Variants in GRIK3 observed in about 807,000 individuals in gnomAD.
GRIK3 encodes glutamate receptor ionotropic, kainate 3.
Under a neutral mutation model 102.5 loss-of-function variants are expected in GRIK3, and 29 were observed. The ratio of observed to expected loss-of-function variants is 0.28; its 90% confidence interval spans 0.21 to 0.39. GRIK3 has a LOEUF of 0.39. GRIK3 is among the 10% of genes least tolerant of loss of function. The pLI is 1.00. For missense variants in GRIK3, 908 were observed against 1,252.4 expected (o/e 0.73, Z 4.15); for synonymous variants, 511 against 504.9 (o/e 1.01, Z -0.16).
At position 36,983,967 on chromosome 1, in the gene GRIK3, A is replaced by T. The variant is rs140171486; in HGVS notation, c.115+50027T>A. 2.9e-3 allele frequency among the ~76,000 whole-genome samples: 445 copies of T among 152,314 alleles called. 10 individuals are homozygous for T. The East Asian group carries it at 0.037, about 13-fold the overall frequency. ...GGGGATGCCGCCCATAGTACCCAGCAGGGTGACTTTGACACAGAGCAGCAC... is the reference window on the plus strand; with the variant it reads ...GGGGATGCCGCCCATAGTACCCAGCTGGGTGACTTTGACACAGAGCAGCAC... On this transcript the variant is annotated intron_variant, in intron 1 of 15. Transcript: ENST00000373091.
chr1:36,878,881 G>A (rs536005314), intron 3 of GRIK3, among the ~76,000 whole-genome samples: 5 of 152,246 alleles, frequency 3.3e-5, no homozygotes, highest in African/African-American at 9.6e-5. Flanking sequence ...CACTTGGTTC[G>A]CAGCAGGTAA....
At chr1:37,028,602 T>C (rs1642788887) in intron 1 of GRIK3, among the ~76,000 whole-genome samples, 1 of 152,132 alleles carries the variant, frequency 6.6e-6, no homozygotes, top group Non-Finnish European at 1.5e-5. Flanking sequence ...AGGACCAACA[T>C]AGCCCAGCCA....
intron 1 of GRIK3, among the ~76,000 whole-genome samples, chr1:37,016,391 A>G (rs1159511556): frequency 2.0e-5 from 3 of 152,222 alleles, no homozygotes; most frequent in Admixed American, 6.5e-5. Context: ...AAATGAGCTC[A>G]GAAAAGGGCT....
intron 1 of GRIK3, among the ~76,000 whole-genome samples, chr1:36,931,407 G>T (rs1050228484): frequency 2.0e-5 from 3 of 152,078 alleles, no homozygotes; most frequent in South Asian, 4.1e-4. Context: ...TTTTTCTGAG[G>T]TTTCATCACT....
At chr1:36,893,609 T>C (rs551294723) in intron 1 of GRIK3, among the ~76,000 whole-genome samples, 223 of 152,286 alleles carry the variant, frequency 1.5e-3, no homozygotes, top group Non-Finnish European at 1.6e-3. Flanking sequence ...GGGAAATGTA[T>C]ACCCAGCCTG....
At chr1:36,967,538 A>G (rs1456573136) in intron 1 of GRIK3, among the ~76,000 whole-genome samples, 2 of 152,226 alleles carry the variant, frequency 1.3e-5, no homozygotes, top group African/African-American at 4.8e-5. Context: ...TATGGTCTGG[A>G]AAGGAGGAGG....
chr1:36,801,904 G>C lies in GRIK3; in HGVS notation c.2707C>G (p.Pro903Ala), dbSNP rs777066849. The change falls in exon 16 of 16, where the codon CCC (proline) becomes GCC (alanine). Residue 903 changes from proline (P) to alanine (A), a missense_variant. Pro to Ala is a conservative substitution (Grantham distance 27, BLOSUM62 -1). Around this residue, in one of 3 missense-constraint regions of GRIK3, gnomAD observed 297 missense variants for 362.7 expected, o/e 0.82. Transcript: ENST00000373091. ...CTGCAGGCCATGCTGTCCTTGCCGG[G>C]AAGCCGGCGGTCATTGAATGTGTGC... ...NMHTFNDRRL[P>A]GKDSMACSTS... The C allele has an allele frequency of 3.1e-6, 5 of 1,613,778 alleles. No individual in the cohort carries two copies. The East Asian group carries it at 1.1e-4, about 36-fold the overall frequency.
intron 7 of GRIK3, among the ~76,000 whole-genome samples, chr1:36,856,057 G>T (rs756235402): frequency 6.6e-6 from 1 of 152,220 alleles, no homozygotes; most frequent in Middle Eastern, 3.2e-3. Flanking sequence ...GGGAGCTGGG[G>T]ACCGAGGGGT....
chr1:36,859,477 C>G (rs934991013), intron 6 of GRIK3, among the ~76,000 whole-genome samples: 2 of 152,086 alleles, frequency 1.3e-5, no homozygotes, highest in Non-Finnish European at 2.9e-5. Flanking sequence ...GCAGCTTAGA[C>G]CTTCTCCTGC....
Position 36,850,147 on chromosome 1 carries a change from T to C in GRIK3, c.1326+164A>G. 1 of 601,128 alleles carries C rather than the reference T, an allele frequency of 1.7e-6. No homozygotes were observed. Among genetic ancestry groups the C allele is most frequent in the East Asian group, 2.8e-5 (1 of 36,070 alleles). 37.2% of individuals were successfully genotyped at this position (601,128 alleles called of 1,614,324 possible). A position where few individuals can be genotyped will look rare whatever the true frequency, so the allele number is the denominator to read the frequency against. On this transcript the variant is annotated intron_variant, in intron 9 of 15. Coordinates refer to ENST00000373091, the MANE Select transcript of GRIK3 (RefSeq NM_000831.4). This position sits in a 1 kb window ranked among gnomAD's most constrained non-coding sequence, Gnocchi z 4.0. ...CGCCCGTGGCAGCGAGCAGCGCTGC[T>C]GCGCTCCAGCTGCTCTCTGAGAACT...
chr1:36,931,143 A>G (rs1018592654), intron 1 of GRIK3, among the ~76,000 whole-genome samples: 12 of 152,230 alleles, frequency 7.9e-5, no homozygotes, highest in African/African-American at 2.7e-4. Flanking sequence ...TCTTCATACC[A>G]GCAAGTTCTT....
chr1:36,996,865 T>C (rs1642425922), intron 1 of GRIK3, among the ~76,000 whole-genome samples: 1 of 152,184 alleles, frequency 6.6e-6, no homozygotes, highest in Non-Finnish European at 1.5e-5. Flanking sequence ...CAATCGGGGA[T>C]GATTCCATCT....
intron 1 of GRIK3, among the ~76,000 whole-genome samples, chr1:36,903,374 A>G (rs1210352105): frequency 2.0e-5 from 3 of 152,266 alleles, no homozygotes; most frequent in Admixed American, 6.5e-5. Context: ...GCTGGTGAGA[A>G]TGCAAAATAG....
At chr1:36,814,626 G>A (rs920964362) in intron 13 of GRIK3, among the ~76,000 whole-genome samples, 1 of 150,078 alleles carries the variant, frequency 6.7e-6, no homozygotes, top group Admixed American at 6.7e-5. Flanking sequence ...ACATATGTAT[G>A]CACAGGCCAT....
intron 4 of GRIK3, 126 bp from the exon 5 acceptor site, chr1:36,869,927 T>A (rs1016177888): frequency 1.4e-6 from 1 of 704,420 alleles, no homozygotes; most frequent in Non-Finnish European, 2.6e-6. Flanking sequence ...GAGTAAGGTG[T>A]CCTCTGAGAC....
Position 36,853,713 on chromosome 1 carries a change from C to T in GRIK3, c.1114G>A (p.Glu372Lys). 1 of 1,607,162 alleles carries T rather than the reference C, an allele frequency of 6.2e-7. No homozygotes were observed. The highest frequency in any genetic ancestry group is 1.1e-5 in the South Asian group (1 of 90,972). Residue 372 changes from glutamate (E) to lysine (K), a missense_variant, in exon 8 of 16, where the codon GAA becomes AAA. Physicochemically the swap from Glu to Lys is moderately conservative, Grantham distance 56. Transcript: ENST00000373091. ...AAAACAATTCGTCCAGTTAATCCTTCCCATTGAGCCTGCGGAGGGGAGAGG... is the reference window on the plus strand; with the variant it reads ...AAAACAATTCGTCCAGTTAATCCTTTCCATTGAGCCTGCGGAGGGGAGAGG... ...FMNFIKEAQW[E>K]GLTGRIVFNK...
chr1:36,895,892 T>A (rs550239110), intron 1 of GRIK3, among the ~76,000 whole-genome samples: 96 of 152,232 alleles, frequency 6.3e-4, no homozygotes, highest in Admixed American at 9.8e-4. Flanking sequence ...GAAAAATGCA[T>A]CTTATCTATG....
chr1:36,842,871 T>G (rs1640474044), intron 9 of GRIK3, among the ~76,000 whole-genome samples: 1 of 152,172 alleles, frequency 6.6e-6, no homozygotes, highest in African/African-American at 2.4e-5. Flanking sequence ...CAGGTTAGTG[T>G]GACCCCAGAG....
intron 1 of GRIK3, among the ~76,000 whole-genome samples, chr1:36,944,735 G>A (rs990048001): frequency 6.6e-6 from 1 of 152,114 alleles, no homozygotes; most frequent in African/African-American, 2.4e-5. Flanking sequence ...TGTGCTTTGG[G>A]GTCAGAGAGA....
Sources: allele counts gnomAD v4.1 joint callset (sites outside exome capture counted in the v4.1 genomes callset), GRCh38; gene constraint gnomAD v4.1.1; regional missense constraint gnomAD v4.1.1; non-coding constraint Gnocchi (gnomAD v3.1); transcripts MANE v1.5; gene names NCBI Gene and HGNC (gene_info 2026-07-23, HGNC 2026-07-21).